The following INPP4A variants were observed in gnomAD, a reference collection of about 807,000 sequenced individuals.
INPP4A encodes inositol polyphosphate-4-phosphatase, type I, 107kD.
Under a neutral mutation model 119.8 loss-of-function variants are expected in INPP4A, and 33 were observed. The ratio of observed to expected loss-of-function variants is 0.28; its 90% CI spans 0.21 to 0.37. The LOEUF (loss-of-function observed/expected upper bound fraction) is 0.37. Among genes scored for constraint, INPP4A ranks in the 10% least tolerant of loss-of-function variants. The probability of loss-of-function intolerance (pLI) is 1.00; values close to 1 mark genes in which losing one functional copy is unlikely to be tolerated. For synonymous variants in INPP4A, 496 were observed against 500.7 expected (o/e 0.99, Z 0.12); for missense variants, 956 against 1,289.9 (o/e 0.74, Z 3.97).
chr2:98,549,297 TG>T (rs1693062375), intron 13 of INPP4A, among the ~76,000 whole-genome samples: 1 of 152,148 alleles, frequency 6.6e-6, no homozygotes, highest in Non-Finnish European at 1.5e-5. Flanking sequence ...TGTCAGCCCC[TG>T]GGTGCAGCTG....
In INPP4A at chr2:98,554,367, T is replaced by A; in HGVS notation, c.1444T>A (p.Ser482Thr). 6.2e-7 allele frequency: 1 copy of A among 1,613,628 alleles called. No homozygotes were observed. Among genetic ancestry groups the A allele is most frequent in the Non-Finnish European group, 8.5e-7 (1 of 1,179,772 alleles). The change falls in exon 15 of 25, where the codon TCT becomes ACT. Residue 482 changes from serine to threonine, a missense_variant. By Grantham distance (58) the Ser-to-Thr change is moderately conservative. Around this residue, in one of 2 missense-constraint regions of INPP4A, gnomAD observed 652 missense variants for 797.9 expected, o/e 0.82. Transcript: ENST00000409851. The surrounding 1 kb of genome is among the most constrained non-coding windows in gnomAD (Gnocchi z 4.7). ...GCCTGACTACATTGCCTCCAAGGCC[T>A]CTCCCACTTCGACTGAGGAGGAGCA... is the stretch of plus-strand genomic sequence containing the variant. ...ARPDYIASKA[S>T]PTSTEEEQVM... is the part of the protein sequence containing the mutation.
intron 1 of INPP4A, among the ~76,000 whole-genome samples, chr2:98,477,670 C>T (rs1018997698): frequency 1.1e-4 from 16 of 152,234 alleles, no homozygotes; most frequent in African/African-American, 3.6e-4. Context: ...TCAGTCCCTC[C>T]GTTAGTGACT....
Position 98,591,300 on chromosome 2 carries a change from G to A in INPP4A, c.*3692G>A, listed in dbSNP as rs920083643. The A allele has an allele frequency of 6.2e-6, 1 of 161,532 alleles. No individual in the cohort carries two copies. The highest frequency in any genetic ancestry group is 1.4e-5 in the Non-Finnish European group (1 of 73,724). The allele number at this position is 161,532 out of a possible 1,614,324, so 10.0% of individuals were successfully genotyped here. ...TTGCTTGGTGCATGGGCCATGCTCA[G>A]TTTAATATTATTAACAGTTTCTACC... On this transcript the variant is annotated 3_prime_UTR_variant, in exon 25 of 25. Transcript: ENST00000409851.
intron 18 of INPP4A, among the ~76,000 whole-genome samples, chr2:98,563,933 G>GTTTTT (rs60347668): frequency 3.2e-5 from 4 of 125,508 alleles, no homozygotes; most frequent in African/African-American, 5.9e-5. Flanking sequence ...TCTTTGCTGC[G>GTTTTT]TTTTTTTTTT....
chr2:98,572,087 C>G (rs996788529), intron 22 of INPP4A: 1 of 152,448 alleles, frequency 6.6e-6, no homozygotes, highest in African/African-American at 2.4e-5. Flanking sequence ...GGGATTCCGG[C>G]GCTGTGGCTG....
chr2:98,539,839 T>G (rs1391079178), intron 10 of INPP4A, among the ~76,000 whole-genome samples, 164 bp downstream of exon 10: 1 of 152,214 alleles, frequency 6.6e-6, no homozygotes, highest in Non-Finnish European at 1.5e-5. Flanking sequence ...CTCAGTTTGC[T>G]CATTGGGATC....
chr2:98,502,033 CTG>C (rs1192428799), intron 1 of INPP4A, among the ~76,000 whole-genome samples: 1 of 152,226 alleles, frequency 6.6e-6, no homozygotes, highest in African/African-American at 2.4e-5. Context: ...CCCAGGTACA[CTG>C]TTCTGGAATG....
intron 1 of INPP4A, among the ~76,000 whole-genome samples, chr2:98,493,426 AT>A (rs371958433): frequency 0.017 from 2,062 of 123,054 alleles, 17 homozygotes; most frequent in African/African-American, 0.041. Context: ...TTCTATTTCT[AT>A]TTTTTTTTTT....
intron 1 of INPP4A, among the ~76,000 whole-genome samples, chr2:98,490,360 G>A (rs1486236082): frequency 6.6e-6 from 1 of 151,962 alleles, no homozygotes; most frequent in African/African-American, 2.4e-5. Flanking sequence ...CAGAGGAGGA[G>A]AAGGTGGTTT....
intron 1 of INPP4A, among the ~76,000 whole-genome samples, chr2:98,466,866 G>A (rs1338952505): frequency 1.3e-5 from 2 of 152,210 alleles, no homozygotes; most frequent in African/African-American, 2.4e-5. Flanking sequence ...TCTGAATGCC[G>A]AGTTTCTTAG....
At chr2:98,507,322 C>T (rs1461770128) in intron 1 of INPP4A, among the ~76,000 whole-genome samples, 1 of 152,128 alleles carries the variant, frequency 6.6e-6, no homozygotes, top group African/African-American at 2.4e-5. Flanking sequence ...TTTAAATGTT[C>T]TAAACAAAAG....
intron 6 of INPP4A, 95 bp downstream of exon 6, chr2:98,535,940 C>A: frequency 2.7e-6 from 2 of 744,734 alleles, no homozygotes; most frequent in Non-Finnish European, 4.7e-6. Flanking sequence ...GACTTCACTA[C>A]TGGCTCACAA....
intron 1 of INPP4A, among the ~76,000 whole-genome samples, chr2:98,495,120 G>T (rs150044849): frequency 2.2e-3 from 335 of 152,234 alleles, no homozygotes; most frequent in African/African-American, 7.9e-3. Flanking sequence ...GTAGTATCCA[G>T]AGTTGCTACA....
chr2:98,534,824 G>A (rs866472108), intron 5 of INPP4A, among the ~76,000 whole-genome samples: 1 of 152,296 alleles, frequency 6.6e-6, no homozygotes, highest in Non-Finnish European at 1.5e-5. Flanking sequence ...AGAAAGGAGC[G>A]TATGACAGAG....
chr2:98,575,075 C>G (rs1055562812), intron 23 of INPP4A, among the ~76,000 whole-genome samples: 6 of 152,238 alleles, frequency 3.9e-5, no homozygotes, highest in Non-Finnish European at 7.3e-5. Context: ...CCTTCCATCC[C>G]CAGTTTGAGC....
At chr2:98,573,062 G>A (rs1003582808) in intron 23 of INPP4A, 135 bp downstream of exon 23, 24 of 669,184 alleles carry the variant, frequency 3.6e-5, no homozygotes, top group African/African-American at 2.9e-4. Flanking sequence ...CACTGAGTAC[G>A]TTCTGAAGCT....
chr2:98,594,247 C>G lies in INPP4A; in HGVS notation c.*6639C>G, dbSNP rs547711459. ...GAGAGGGTCTCTGAAAAAAGTCAGGCTAAAATTACAGGGGGTTCAGGCAAT... is the reference window on the plus strand; with the variant it reads ...GAGAGGGTCTCTGAAAAAAGTCAGGGTAAAATTACAGGGGGTTCAGGCAAT... On this transcript the variant is annotated 3_prime_UTR_variant, in exon 25 of 25. Coordinates refer to ENST00000409851, the MANE Select transcript of INPP4A (RefSeq NM_001134225.2). The G allele has an allele frequency of 1.4e-4, 22 of 152,266 alleles. No individual in the cohort carries two copies. Among genetic ancestry groups the G allele is most frequent in the African/African-American group, 4.6e-4 (19 of 41,534 alleles). The allele number at this position is 152,266 out of a possible 1,614,324, so 9.4% of individuals were successfully genotyped here. A position where few individuals can be genotyped will look rare whatever the true frequency, so the allele number is the denominator to read the frequency against.
chr2:98,561,485 G>A (rs1695464023), intron 17 of INPP4A, among the ~76,000 whole-genome samples: 1 of 152,188 alleles, frequency 6.6e-6, no homozygotes, highest in South Asian at 2.1e-4. Flanking sequence ...GGCAGATAAC[G>A]ACACTCACCT....
chr2:98,587,731 A>AG lies in INPP4A; in HGVS notation c.*123_*124insG, dbSNP rs1412299312. The AG allele has an allele frequency of 1.7e-5, 14 of 829,852 alleles. No homozygotes were observed. The highest frequency in any genetic ancestry group is 2.6e-5 in the Non-Finnish European group (14 of 549,016). 51.4% of individuals were successfully genotyped at this position (829,852 alleles called of 1,614,324 possible). ...ATTTTTTGTGGTTTTTTTAAAAAAAACATTTCACTAAAGAGTCTCTGGAGC... is the reference window on the plus strand; with the variant it reads ...ATTTTTTGTGGTTTTTTTAAAAAAAAGCATTTCACTAAAGAGTCTCTGGAGC... On this transcript the variant is annotated 3_prime_UTR_variant, in exon 25 of 25. Coordinates refer to ENST00000409851, the MANE Select transcript of INPP4A (RefSeq NM_001134225.2).
Sources: gnomAD v4.1 joint callset for allele counts (sites outside exome capture counted in the v4.1 genomes callset) on GRCh38, gnomAD v4.1.1 for gene constraint, gnomAD v4.1.1 regional missense constraint, Gnocchi (gnomAD v3.1) non-coding constraint, MANE v1.5 for transcripts, NCBI Gene and HGNC (gene_info 2026-07-23, HGNC 2026-07-21) for gene names.